Variants in ANKDD1A observed in about 807,000 individuals in gnomAD.
ANKDD1A encodes the protein ankyrin repeat and death domain-containing protein 1A.
Under a neutral mutation model 63.5 loss-of-function variants are expected in ANKDD1A, and 59 were observed. The observed-to-expected ratio is 0.93, with a 90% CI of 0.75 to 1.15. The LOEUF (loss-of-function observed/expected upper bound fraction) is 1.15, where lower values mean the gene tolerates loss of function less well. Ranked by LOEUF, ANKDD1A falls within the 50% of genes most tolerant of loss-of-function variation. ANKDD1A has a pLI of 0.00. For synonymous variants in ANKDD1A, 266 were observed against 263.9 expected (o/e 1.01, Z -0.08); for missense variants, 632 against 656.4 (o/e 0.96, Z 0.41).
chr15:64,925,333 C>T (rs2085038328), intron 4 of ANKDD1A, among the ~76,000 whole-genome samples: 1 of 151,846 alleles, frequency 6.6e-6, no homozygotes, highest in South Asian at 2.1e-4. Context: ...ATTTTTATGA[C>T]CCACTGATGG....
intron 12 of ANKDD1A, among the ~76,000 whole-genome samples, chr15:64,947,172 G>A (rs2085230190): frequency 6.6e-6 from 1 of 152,176 alleles, no homozygotes; most frequent in Non-Finnish European, 1.5e-5. Context: ...AGGAAGGTGA[G>A]CAGAGGAATT....
chr15:64,930,336 A>C (rs2085079631), intron 6 of ANKDD1A, among the ~76,000 whole-genome samples: 1 of 151,870 alleles, frequency 6.6e-6, no homozygotes, highest in African/African-American at 2.4e-5. Flanking sequence ...TGATCTGTGC[A>C]GTGGGGAAAG....
chr15:64,922,754 G>C (rs1243396741), intron 4 of ANKDD1A, among the ~76,000 whole-genome samples: 1 of 152,096 alleles, frequency 6.6e-6, no homozygotes, highest in Non-Finnish European at 1.5e-5. Flanking sequence ...CAATTCTCTT[G>C]CCTCAGCCCC....
chr15:64,931,032 T>A, intron 7 of ANKDD1A, 112 bp downstream of exon 7: 1 of 1,133,468 alleles, frequency 8.8e-7, no homozygotes, highest in South Asian at 1.5e-5. Flanking sequence ...GAGGGCATGA[T>A]CTCGAACTGA....
intron 14 of ANKDD1A, among the ~76,000 whole-genome samples, chr15:64,953,933 C>CTT (rs879501534): frequency 8.1e-5 from 1 of 12,370 alleles, no homozygotes; most frequent in Non-Finnish European, 1.9e-4. Context: ...TTTCTTTTTT[C>CTT]TTTTCTTCCT....
intron 6 of ANKDD1A, among the ~76,000 whole-genome samples, 168 bp downstream of exon 6, chr15:64,927,167 G>A (rs971527024): frequency 2.0e-5 from 3 of 152,248 alleles, no homozygotes; most frequent in African/African-American, 4.8e-5. Flanking sequence ...CTTCACCAGC[G>A]TGTGCTATGG....
intron 14 of ANKDD1A, among the ~76,000 whole-genome samples, chr15:64,952,834 CTTTCTTCTCCTTGTCTCTTCTCCTTCT>C (rs1256752255): frequency 9.5e-6 from 1 of 105,678 alleles, no homozygotes; most frequent in Admixed American, 1.1e-4. Flanking sequence ...CTCCTTCTTC[CTTTCTTCTCCTTGTCTCTTCTCCTTCT>C]TCTTTTCTTC....
At chr15:64,949,999 T>G in intron 14 of ANKDD1A, 27 bp downstream of exon 14, 2 of 1,601,878 alleles carry the variant, frequency 1.2e-6, no homozygotes, top group Non-Finnish European at 1.7e-6. Context: ...CTGGGCTGCT[T>G]CTCAGGAGCT....
chr15:64,922,639 AT>A (rs2085015796), intron 4 of ANKDD1A, among the ~76,000 whole-genome samples: 1 of 152,102 alleles, frequency 6.6e-6, no homozygotes, highest in African/African-American at 2.4e-5. Context: ...AAAATTTAGC[AT>A]TTTTTTCTTT....
At chr15:64,927,236 G>A (rs557963917) in intron 6 of ANKDD1A, among the ~76,000 whole-genome samples, 18 of 152,334 alleles carry the variant, frequency 1.2e-4, no homozygotes, top group African/African-American at 2.9e-4. Flanking sequence ...TTTCTTACTC[G>A]AGGAACTCAG....
At chr15:64,914,796 C>T (rs1284336374) in intron 1 of ANKDD1A, among the ~76,000 whole-genome samples, 1 of 142,610 alleles carries the variant, frequency 7.0e-6, no homozygotes, top group African/African-American at 2.6e-5. Flanking sequence ...CCTGTGTCCT[C>T]CTGGCTCAGA....
At chr15:64,954,133 CCTCT>C (rs1471579688) in intron 14 of ANKDD1A, among the ~76,000 whole-genome samples, 2 of 140,208 alleles carry the variant, frequency 1.4e-5, no homozygotes, top group Non-Finnish European at 3.2e-5. Flanking sequence ...CTTTCTTCTT[CCTCT>C]TTCTTCTTGT....
At chr15:64,947,031 C>T (rs912161348) in intron 12 of ANKDD1A, among the ~76,000 whole-genome samples, 2 of 152,154 alleles carry the variant, frequency 1.3e-5, no homozygotes, top group Non-Finnish European at 2.9e-5. Context: ...GCCAAAGCTT[C>T]GGAGTACTTC....
chr15:64,933,146 G>A (rs1394807944), intron 8 of ANKDD1A, among the ~76,000 whole-genome samples: 2 of 152,106 alleles, frequency 1.3e-5, no homozygotes, highest in East Asian at 1.9e-4. Flanking sequence ...CCAAGCCCAC[G>A]GTGACTGCAT....
chr15:64,944,710 T>A lies in ANKDD1A; in HGVS notation c.1124T>A (p.Met375Lys). ...VRSNHVSLVDMIIKADRFYRW... is the reference protein window; with the variant it reads ...VRSNHVSLVDKIIKADRFYRW... ...AGCAACCATGTCAGCCTGGTGGACA[T>A]GATCATAAAAGCTGATCGTTTCTAC... is the stretch of plus-strand genomic sequence containing the variant. Residue 375 changes from methionine (M) to lysine (K), a missense_variant, in exon 12 of 15, where the codon ATG becomes AAG. Physicochemically the swap from Met to Lys is moderately conservative, Grantham distance 95. Transcript: ENST00000319580. 1 of 1,614,172 alleles carries A rather than the reference T, an allele frequency of 6.2e-7. No homozygotes were observed.
intron 4 of ANKDD1A, among the ~76,000 whole-genome samples, chr15:64,923,593 G>A (rs1365873885): frequency 6.6e-6 from 1 of 152,176 alleles, no homozygotes; most frequent in Non-Finnish European, 1.5e-5. Flanking sequence ...TTAGGATCCT[G>A]TTGGCAGTGG....
intron 9 of ANKDD1A, among the ~76,000 whole-genome samples, chr15:64,937,898 G>A (rs1422142034): frequency 2.0e-5 from 3 of 152,086 alleles, no homozygotes; most frequent in Non-Finnish European, 2.9e-5. Flanking sequence ...GACTAGGGCA[G>A]GAAATACTAA....
In ANKDD1A at chr15:64,949,992, G is replaced by T; in HGVS notation, c.1483+20G>T. 1 of 1,605,066 alleles carries T rather than the reference G, an allele frequency of 6.2e-7. No homozygotes were observed. ...TGGCTGGTAAGAGCGTACTCTGCTG[G>T]GCTGCTTCTCAGGAGCTGGGTGGCC... On this transcript the variant is annotated intron_variant, in intron 14 of 14. Transcript: ENST00000319580.
chr15:64,912,611 TG>T (rs1368192840), intron 1 of ANKDD1A, among the ~76,000 whole-genome samples: 1 of 152,204 alleles, frequency 6.6e-6, no homozygotes, highest in Non-Finnish European at 1.5e-5. Context: ...TCAGCTGGCC[TG>T]GGGCAGCTTT....
Sources: gnomAD v4.1 joint callset for allele counts (sites outside exome capture counted in the v4.1 genomes callset) on GRCh38, gnomAD v4.1.1 for gene constraint, MANE v1.5 for transcripts, NCBI Gene and HGNC (gene_info 2026-07-23, HGNC 2026-07-21) for gene names.